The following RYR2 variants were observed in gnomAD, a reference collection of about 807,000 sequenced individuals.
RYR2 encodes the protein cardiac muscle ryanodine receptor-calcium release channel.
In RYR2, 227 loss-of-function variants were observed where a neutral mutation model predicts 601.1. That is an observed-to-expected ratio of 0.38 (90% CI 0.34 to 0.42). The LOEUF (loss-of-function observed/expected upper bound fraction) is 0.42, where lower values mean the gene tolerates loss of function less well. Ranked by LOEUF, RYR2 falls within the 10% of genes least tolerant of loss-of-function variation. RYR2 has a pLI of 1.00. For missense variants in RYR2, 4,646 were observed against 6,156.5 expected, an observed-to-expected ratio of 0.75 and a Z score of 8.21; for synonymous variants, 2,223 against 2,175.1, an observed-to-expected ratio of 1.02 and a Z score of -0.61.
intron 1 of RYR2, among the ~76,000 whole-genome samples, chr1:237,066,913 A>C (rs1349345251): frequency 1.3e-5 from 2 of 152,170 alleles, no homozygotes; most frequent in Non-Finnish European, 2.9e-5. Context: ...CTGGGATTAC[A>C]GGCGTGAGCC....
chr1:237,575,773 A>G (rs1400802328), intron 29 of RYR2, among the ~76,000 whole-genome samples: 1 of 152,158 alleles, frequency 6.6e-6, no homozygotes, highest in Non-Finnish European at 1.5e-5. Context: ...ATTTTTTCTA[A>G]ATTGTTTTTC....
intron 100 of RYR2, among the ~76,000 whole-genome samples, chr1:237,814,005 G>A (rs774891044): frequency 2.6e-5 from 4 of 152,178 alleles, no homozygotes; most frequent in Non-Finnish European, 4.4e-5. Context: ...AGTCTGTGTA[G>A]CATTACACAC....
chr1:237,735,647 C>T (rs1393702761), intron 79 of RYR2, among the ~76,000 whole-genome samples: 1 of 152,100 alleles, frequency 6.6e-6, no homozygotes, highest in Non-Finnish European at 1.5e-5. Context: ...CCCAGGACCC[C>T]CAGTGGGATA....
chr1:237,364,991 T>C (rs767734744), intron 5 of RYR2, among the ~76,000 whole-genome samples: 12 of 152,146 alleles, frequency 7.9e-5, no homozygotes, highest in African/African-American at 1.4e-4. Context: ...GAGTAAAGCA[T>C]GTGGACATGT....
At chr1:237,468,971 T>A in intron 16 of RYR2, 121 bp from the exon 17 acceptor site, 1 of 684,122 alleles carries the variant, frequency 1.5e-6, no homozygotes, top group Non-Finnish European at 2.5e-6. Flanking sequence ...TTTGCATAAG[T>A]TTTTAGATGT....
At chr1:237,802,022 A>G (rs1574013804) in intron 98 of RYR2, 106 bp downstream of exon 98, 3 of 660,060 alleles carry the variant, frequency 4.5e-6, no homozygotes, top group African/African-American at 3.5e-5. Flanking sequence ...TCGAATACCA[A>G]TTCATTTCAT....
rs77804894 is a variant in RYR2 at position 237,729,559 on chromosome 1, C to G, written c.10839-701C>G. On this transcript the variant is annotated intron_variant, in intron 76 of 104. Transcript: ENST00000366574. Reference sequence around the variant, plus strand: ...TTTCCATCCTGCAATGGCACCGTCTCTCATTCTATCACATCTGTTGTTGTT... The same window carrying G: ...TTTCCATCCTGCAATGGCACCGTCTGTCATTCTATCACATCTGTTGTTGTT... Among the ~76,000 whole-genome samples, 1,208 of 152,294 alleles carry G rather than the reference C, an allele frequency of 7.9e-3. 16 individuals carry two copies. Among genetic ancestry groups the G allele is most frequent in the African/African-American group, 0.028 (1,152 of 41,566 alleles).
At chr1:237,677,738 C>T (rs952413284) in intron 60 of RYR2, among the ~76,000 whole-genome samples, 2 of 152,100 alleles carry the variant, frequency 1.3e-5, no homozygotes, top group African/African-American at 4.8e-5. Context: ...AAATGTGGGA[C>T]TTTTACTCTA....
chr1:237,311,455 T>A (rs919502673), intron 2 of RYR2, among the ~76,000 whole-genome samples: 2 of 151,892 alleles, frequency 1.3e-5, no homozygotes, highest in African/African-American at 4.8e-5. Context: ...GAGTATGATA[T>A]GACATGCAAT....
chr1:237,821,063 A>C (rs560892740), intron 101 of RYR2, among the ~76,000 whole-genome samples: 38 of 152,248 alleles, frequency 2.5e-4, no homozygotes, highest in African/African-American at 9.1e-4. Context: ...TCCTTGGGAG[A>C]GAGCACCTGG....
rs184077042 is a variant in RYR2 at position 237,043,310 on chromosome 1, C to G, written c.48+741C>G. On this transcript the variant is annotated intron_variant, in intron 1 of 104. Transcript: ENST00000366574. ...GTGTGTTTGCGTGTGTGCGCGCGCGCGGGTGGTGGTGGGGAGAACATCGTG... is the reference window on the plus strand; with the variant it reads ...GTGTGTTTGCGTGTGTGCGCGCGCGGGGGTGGTGGTGGGGAGAACATCGTG... Among the ~76,000 whole-genome samples, 8 of 152,116 alleles carry G rather than the reference C, an allele frequency of 5.3e-5. No individual in the cohort carries two copies. In the South Asian group the frequency reaches 1.5e-3, roughly 28 times the overall value.
chr1:237,192,188 A>C (rs75041727), intron 1 of RYR2, among the ~76,000 whole-genome samples: 1 of 151,980 alleles, frequency 6.6e-6, no homozygotes, highest in African/African-American at 2.4e-5. Flanking sequence ...AAAAAAAAAA[A>C]ACATTTTCTT....
intron 3 of RYR2, among the ~76,000 whole-genome samples, chr1:237,348,272 A>G (rs1049121297): frequency 6.6e-6 from 1 of 152,194 alleles, no homozygotes; most frequent in African/African-American, 2.4e-5. Context: ...ACTATTCCAG[A>G]TCATTTTTCT....
At chr1:237,809,288 G>A (rs539048605) in intron 100 of RYR2, among the ~76,000 whole-genome samples, 4 of 152,348 alleles carry the variant, frequency 2.6e-5, no homozygotes, top group African/African-American at 9.6e-5. Flanking sequence ...ACTCGAAGGA[G>A]TAATGTCATC....
rs983400269 is a variant in RYR2 at position 237,469,248 on chromosome 1, T to C, written c.1708+61T>C. 1.0e-4 allele frequency: 35 copies of C among 343,122 alleles called. No individual in the cohort carries two copies. In the East Asian group the frequency reaches 1.3e-3, roughly 13 times the overall value. 21.3% of individuals were successfully genotyped at this position (343,122 alleles called of 1,614,324 possible). A position where few individuals can be genotyped will look rare whatever the true frequency, so the allele number is the denominator to read the frequency against. ...CACTCCTATTTTTCTTTGCTTCGTATCCTTTAAGACAAAAAAAAAAAAAAA... is the reference window on the plus strand; with the variant it reads ...CACTCCTATTTTTCTTTGCTTCGTACCCTTTAAGACAAAAAAAAAAAAAAA... On this transcript the variant is annotated intron_variant, in intron 17 of 104. Coordinates refer to ENST00000366574, the MANE Select transcript of RYR2 (RefSeq NM_001035.3).
chr1:237,648,389 A>G (rs796333421), intron 48 of RYR2, 55 bp from the exon 49 acceptor site: 12 of 1,372,638 alleles, frequency 8.7e-6, no homozygotes, highest in Middle Eastern at 1.9e-4. Flanking sequence ...GCCATTTGTA[A>G]TCTATCCTGT....
rs1220083912 is a variant in RYR2, at chr1:237,169,619, CTT to C, written c.49-100875_49-100874del. Among the ~76,000 whole-genome samples, 5 of 152,088 alleles carry C rather than the reference CTT, an allele frequency of 3.3e-5. No individual in the cohort carries two copies. The East Asian group carries it at 9.6e-4, about 29-fold the overall frequency. On this transcript the variant is annotated intron_variant, in intron 1 of 104. Coordinates refer to ENST00000366574, the MANE Select transcript of RYR2 (RefSeq NM_001035.3). ...TTGCCTTTTTGCTGGGTAAAATACA[CTT>C]TTAATTTCTTGCTGGGCTTTTAAAA...
At chr1:237,411,709 G>C (rs1320164382) in intron 10 of RYR2, among the ~76,000 whole-genome samples, 1 of 152,134 alleles carries the variant, frequency 6.6e-6, no homozygotes, top group Non-Finnish European at 1.5e-5. Flanking sequence ...ATGAGACAGA[G>C]AGGTCAACAG....
chr1:237,147,906 T>C (rs1192484411), intron 1 of RYR2, among the ~76,000 whole-genome samples: 2 of 152,238 alleles, frequency 1.3e-5, no homozygotes, highest in Non-Finnish European at 2.9e-5. Flanking sequence ...CAATGGTGTT[T>C]TATTAAACAG....
Sources: gnomAD v4.1 joint callset for allele counts (sites outside exome capture counted in the v4.1 genomes callset) on GRCh38, gnomAD v4.1.1 for gene constraint, MANE v1.5 for transcripts, NCBI Gene and HGNC (gene_info 2026-07-23, HGNC 2026-07-21) for gene names.